FOXJ3: variants seen among roughly 807,000 people sequenced by gnomAD.
FOXJ3 encodes forkhead box protein J3.
A neutral mutation model predicts 76.1 loss-of-function variants in FOXJ3; 22 were observed. The observed-to-expected ratio is 0.29, with a 90% CI of 0.21 to 0.41. The LOEUF is 0.41. Among genes scored for constraint, FOXJ3 ranks in the 10% least tolerant of loss-of-function variants. The pLI, the probability that FOXJ3 is intolerant of heterozygous loss-of-function variation, is 1.00. For missense variants in FOXJ3, 613 were observed against 762.1 expected (o/e 0.80, Z 2.30); for synonymous variants, 269 against 261.2 (o/e 1.03, Z -0.29).
intron 4 of FOXJ3, among the ~76,000 whole-genome samples, chr1:42,248,974 ACTC>A (rs1383746904): frequency 6.6e-6 from 1 of 150,816 alleles, no homozygotes; most frequent in Non-Finnish European, 1.5e-5. Context: ...TCATTGTTCA[ACTC>A]CCACTATGAG....
chr1:42,273,642 T>C (rs1051823296), intron 3 of FOXJ3, among the ~76,000 whole-genome samples: 4 of 123,560 alleles, frequency 3.2e-5, no homozygotes, highest in Admixed American at 1.1e-4. Context: ...ACCACTGCAC[T>C]CCAGCCTGGA....
chr1:42,225,416 C>T (rs1476027997), intron 5 of FOXJ3, among the ~76,000 whole-genome samples: 1 of 152,018 alleles, frequency 6.6e-6, no homozygotes, highest in African/African-American at 2.4e-5. Context: ...CCTCTCACTT[C>T]CCACTCTAAA....
At position 42,193,322 on chromosome 1, in the gene FOXJ3, G is replaced by A. The variant is rs192996151; in HGVS notation, c.934+1568C>T. 1.1e-4 allele frequency among the ~76,000 whole-genome samples: 17 copies of A among 150,800 alleles called. No homozygotes were observed. The East Asian group carries it at 2.5e-3, about 22-fold the overall frequency. On this transcript the variant is annotated intron_variant, in intron 8 of 12. Transcript: ENST00000361346. ...TTTATTGTACAAATGGGGATACTGA[G>A]GTCCAGAGATGAGAAGTAAACTCAG...
chr1:42,284,468 AG>A (rs1346580534), intron 2 of FOXJ3, among the ~76,000 whole-genome samples: 5 of 152,224 alleles, frequency 3.3e-5, no homozygotes, highest in Non-Finnish European at 5.9e-5. Context: ...GAAGAGACAG[AG>A]AAAGTACAGA....
At chr1:42,315,303 T>A in intron 1 of FOXJ3, 1 of 432,744 alleles carries the variant, frequency 2.3e-6, no homozygotes, top group Non-Finnish European at 3.1e-6. Flanking sequence ...ACTACTGAAT[T>A]GTACACTTTA....
chr1:42,293,012 G>T (rs1280277279), intron 2 of FOXJ3, among the ~76,000 whole-genome samples: 2 of 152,024 alleles, frequency 1.3e-5, no homozygotes, highest in South Asian at 2.1e-4. Context: ...GAGACAAGAC[G>T]ATTGCTTGAG....
At chr1:42,299,694 G>A (rs1429828904) in intron 2 of FOXJ3, among the ~76,000 whole-genome samples, 1 of 152,014 alleles carries the variant, frequency 6.6e-6, no homozygotes, top group Non-Finnish European at 1.5e-5. Context: ...ATTACTTGAG[G>A]TCAGGAGCTC....
chr1:42,285,877 A>T (rs1310500888), intron 2 of FOXJ3, among the ~76,000 whole-genome samples: 1 of 152,148 alleles, frequency 6.6e-6, no homozygotes, highest in Non-Finnish European at 1.5e-5. Context: ...CCACCACTGT[A>T]TTCTGGATAT....
chr1:42,303,363 T>A (rs1302741968), intron 2 of FOXJ3, among the ~76,000 whole-genome samples: 1 of 152,246 alleles, frequency 6.6e-6, no homozygotes, highest in African/African-American at 2.4e-5. Context: ...ATGCCTGGTC[T>A]AATAGTAAGA....
chr1:42,292,762 A>C (rs778665220), intron 2 of FOXJ3, among the ~76,000 whole-genome samples: 1 of 152,152 alleles, frequency 6.6e-6, no homozygotes, highest in Non-Finnish European at 1.5e-5. Flanking sequence ...GACTTATAAA[A>C]TTGTACTATG....
At chr1:42,226,486 G>A (rs1232934473) in intron 5 of FOXJ3, among the ~76,000 whole-genome samples, 1 of 152,148 alleles carries the variant, frequency 6.6e-6, no homozygotes, top group Non-Finnish European at 1.5e-5. Context: ...GTGGGTGCCT[G>A]TAATCCCAGC....
At chr1:42,222,384 T>C (rs1647247016) in intron 5 of FOXJ3, among the ~76,000 whole-genome samples, 1 of 152,130 alleles carries the variant, frequency 6.6e-6, no homozygotes, top group Non-Finnish European at 1.5e-5. Context: ...ACCACATAAT[T>C]TATCATCCAC....
At chr1:42,246,005 T>A (rs1453389782) in intron 4 of FOXJ3, among the ~76,000 whole-genome samples, 1 of 151,882 alleles carries the variant, frequency 6.6e-6, no homozygotes, top group Admixed American at 6.6e-5. Context: ...TAAACAAAAT[T>A]CAACTCGAAA....
At chr1:42,255,884 T>C (rs981838869) in intron 4 of FOXJ3, among the ~76,000 whole-genome samples, 1 of 152,170 alleles carries the variant, frequency 6.6e-6, no homozygotes, top group Non-Finnish European at 1.5e-5. Context: ...TAGCCAGGCA[T>C]GGTGGCACAT....
At chr1:42,186,893 G>A (rs1233616231) in intron 11 of FOXJ3, among the ~76,000 whole-genome samples, 1 of 152,078 alleles carries the variant, frequency 6.6e-6, no homozygotes, top group Non-Finnish European at 1.5e-5. Flanking sequence ...TGTCACCCAG[G>A]CTGGAGTGCA....
rs560084220 is a variant in FOXJ3 at position 42,230,348 on chromosome 1, T to C, written c.445-2382A>G. On this transcript the variant is annotated intron_variant, in intron 4 of 12. Coordinates refer to ENST00000361346, the MANE Select transcript of FOXJ3 (RefSeq NM_014947.5). ...GTCTATGATCAAAAAAAACAGAAAA[T>C]AGCAGGTACAGGCTAAGTATCCCTT... 3.9e-5 allele frequency among the ~76,000 whole-genome samples: 6 copies of C among 152,092 alleles called. No individual in the cohort carries two copies. In the East Asian group the frequency reaches 7.7e-4, roughly 20 times the overall value.
intron 5 of FOXJ3, among the ~76,000 whole-genome samples, chr1:42,225,722 G>T (rs1412342178): frequency 6.6e-6 from 1 of 152,052 alleles, no homozygotes; most frequent in Non-Finnish European, 1.5e-5. Context: ...TTAAAGTGAT[G>T]ATCAAAAAGC....
intron 2 of FOXJ3, among the ~76,000 whole-genome samples, chr1:42,294,400 A>AC (rs1653643739): frequency 6.6e-6 from 1 of 152,040 alleles, no homozygotes; most frequent in Admixed American, 6.6e-5. Flanking sequence ...GTTTACCTAA[A>AC]TTTTCTCCCC....
chr1:42,295,406 T>C (rs966443975), intron 2 of FOXJ3, among the ~76,000 whole-genome samples: 1 of 152,186 alleles, frequency 6.6e-6, no homozygotes, highest in African/African-American at 2.4e-5. Flanking sequence ...CTATGCTGCA[T>C]AGTACTCCAT....
Sources: allele counts gnomAD v4.1 joint callset (sites outside exome capture counted in the v4.1 genomes callset), GRCh38; gene constraint gnomAD v4.1.1; transcripts MANE v1.5; gene names NCBI Gene and HGNC (gene_info 2026-07-23, HGNC 2026-07-21).